Variants in RBL2 observed in about 807,000 individuals in gnomAD.
RBL2 encodes RB transcriptional corepressor like 2, also known as retinoblastoma-like protein 2.
RBL2 carries 56 observed loss-of-function variants against 126.0 expected under a neutral mutation model. The ratio of observed to expected loss-of-function variants is 0.44; its 90% CI spans 0.36 to 0.56. The LOEUF (loss-of-function observed/expected upper bound fraction) is 0.56, where lower values mean the gene tolerates loss of function less well. Among genes scored for constraint, RBL2 ranks in the 20% least tolerant of loss-of-function variants. The probability of loss-of-function intolerance (pLI) is 0.00; values close to 1 mark genes in which losing one functional copy is unlikely to be tolerated. For missense variants in RBL2, 1,229 were observed against 1,398.2 expected, an observed-to-expected ratio of 0.88 and a Z score of 1.93; for synonymous variants, 454 against 478.5, an observed-to-expected ratio of 0.95 and a Z score of 0.67.
At chr16:53,488,682 A>G (rs1285530880) in intron 21 of RBL2, 1 of 152,250 alleles carries the variant, frequency 6.6e-6, no homozygotes, top group South Asian at 2.1e-4. Context: ...ATACAAGATC[A>G]GTTAAGATGA....
Position 53,479,233 on chromosome 16 carries a change from C to G in RBL2, c.2775+8C>G. The G allele has an allele frequency of 6.2e-7, 1 of 1,606,630 alleles. No homozygotes were observed. Among genetic ancestry groups the G allele is most frequent in the Non-Finnish European group, 8.5e-7 (1 of 1,173,260 alleles). On this transcript the variant is annotated splice_region_variant and intron_variant, in intron 18 of 21. Transcript: ENST00000262133. The stretch of plus-strand genomic sequence containing the variant: ...CCGCAGGCCCGGAGCCAGGTAACTA[C>G]ATTTTCTCTATGGGCTGAAAAATAA...
intron 3 of RBL2, chr16:53,443,093 T>C (rs2058031127): frequency 4.2e-6 from 1 of 237,296 alleles, no homozygotes; most frequent in South Asian, 1.6e-4. Context: ...AAACTTTCAT[T>C]TGTCTTATTT....
chr16:53,458,355 A>T (rs768312790), intron 8 of RBL2, among the ~76,000 whole-genome samples: 13 of 152,228 alleles, frequency 8.5e-5, no homozygotes, highest in South Asian at 2.1e-4. Flanking sequence ...AATCAGAAAG[A>T]TGTTTTACTG....
In RBL2 at chr16:53,483,574, A is replaced by G. The variant is rs191084603; in HGVS notation, c.3249+1739A>G. Reference sequence around the variant, plus strand: ...AAAAGTTGAGGAAAACAAGTAAACAAGAACAGCAAAAATCTGTTAGAAAAT... The same window carrying G: ...AAAAGTTGAGGAAAACAAGTAAACAGGAACAGCAAAAATCTGTTAGAAAAT... On this transcript the variant is annotated intron_variant, in intron 21 of 21. Coordinates refer to ENST00000262133, the MANE Select transcript of RBL2 (RefSeq NM_005611.4). 3.3e-5 allele frequency among the ~76,000 whole-genome samples: 5 copies of G among 151,956 alleles called. No homozygotes were observed. In the East Asian group the frequency reaches 7.8e-4, roughly 24 times the overall value.
chr16:53,458,185 A>C (rs768975316), intron 8 of RBL2, among the ~76,000 whole-genome samples: 3 of 152,356 alleles, frequency 2.0e-5, no homozygotes, highest in Non-Finnish European at 4.4e-5. Flanking sequence ...GTGCTTTTCT[A>C]TATCTTATGA....
rs1489214967 is a variant in RBL2 at position 53,491,130 on chromosome 16, A to C, written c.*830A>C. 6.6e-6 allele frequency: 1 copy of C among 152,528 alleles called. No individual in the cohort carries two copies. Among genetic ancestry groups the C allele is most frequent in the Non-Finnish European group, 1.5e-5 (1 of 68,018 alleles). The allele number at this position is 152,528 out of a possible 1,614,324, so 9.4% of individuals were successfully genotyped here. Reference sequence around the variant, plus strand: ...CTTTTGGGAATGTTTTAAATTCTCCAGTTTTTTGTTATATAGGGATCAACC... The same window carrying C: ...CTTTTGGGAATGTTTTAAATTCTCCCGTTTTTTGTTATATAGGGATCAACC... On this transcript the variant is annotated 3_prime_UTR_variant, in exon 22 of 22. Coordinates refer to ENST00000262133, the MANE Select transcript of RBL2 (RefSeq NM_005611.4).
At chr16:53,454,513 G>A (rs1168434538) in intron 7 of RBL2, 143 bp from the exon 8 acceptor site, 3 of 752,110 alleles carry the variant, frequency 4.0e-6, no homozygotes, top group Non-Finnish European at 2.1e-6. Context: ...ATACTATCCA[G>A]TTCTTATAAC....
In RBL2 at chr16:53,453,502, C is replaced by A; in HGVS notation, c.817C>A (p.Pro273Thr). ...AKDSKPSSDP[P>T]CIIEKLCSLH... Reference sequence around the variant, plus strand: ...AGATTCTAAACCTTCCTCTGACCCCCCTTGTATCATTGAGAAACTGTGTTC... The same window carrying A: ...AGATTCTAAACCTTCCTCTGACCCCACTTGTATCATTGAGAAACTGTGTTC... Residue 273 changes from proline to threonine, a missense_variant, in exon 6 of 22, where the codon CCT becomes ACT. By Grantham distance (38) the Pro-to-Thr change is conservative (BLOSUM62 -1). This residue lies in a region of RBL2 where 1,070 missense variants were observed against 1,274.3 expected (regional missense o/e 0.84). Coordinates refer to ENST00000262133, the MANE Select transcript of RBL2 (RefSeq NM_005611.4). 6.2e-7 allele frequency: 1 copy of A among 1,613,278 alleles called. No homozygotes were observed. Among genetic ancestry groups the A allele is most frequent in the Non-Finnish European group, 8.5e-7 (1 of 1,179,410 alleles).
chr16:53,439,585 A>G (rs1346753148), intron 2 of RBL2, among the ~76,000 whole-genome samples: 1 of 152,214 alleles, frequency 6.6e-6, no homozygotes, highest in African/African-American at 2.4e-5. Flanking sequence ...TGGAGGATAA[A>G]TGACATGATT....
In RBL2 at chr16:53,470,887, C is replaced by T; in HGVS notation, c.2668C>T (p.Gln890Ter). 1.2e-6 allele frequency: 2 copies of T among 1,613,684 alleles called. No homozygotes were observed. The highest frequency in any genetic ancestry group is 1.7e-6 in the Non-Finnish European group (2 of 1,179,890). Residue 890 changes from glutamine (Q) to a stop codon, truncating the protein, a stop_gained, in exon 17 of 22, where the codon CAG becomes TAG. Coordinates refer to ENST00000262133, the MANE Select transcript of RBL2 (RefSeq NM_005611.4). LOFTEE classifies it high-confidence loss of function. The stretch of plus-strand genomic sequence containing the variant: ...ACTTATGATGGACAGACATCTGGAC[C>T]AGTTATTAATGTGTGCCATTTATGT... ...PELMMDRHLDQLLMCAIYVMA... is the reference protein window; with the variant it reads ...PELMMDRHLD
In RBL2 at chr16:53,463,828, A is replaced by C. The variant is rs1243453548; in HGVS notation, c.1561-398A>C. On this transcript the variant is annotated intron_variant, in intron 11 of 21. Coordinates refer to ENST00000262133, the MANE Select transcript of RBL2 (RefSeq NM_005611.4). ...GTGATCTGCCCACCTTGGCCTCCCA[A>C]AGTGCTGGGATTACAGGCGTGAGCC... Among the ~76,000 whole-genome samples, 4 of 152,104 alleles carry C rather than the reference A, an allele frequency of 2.6e-5. No individual in the cohort carries two copies. The East Asian group carries it at 7.8e-4, about 29-fold the overall frequency.
intron 5 of RBL2, among the ~76,000 whole-genome samples, chr16:53,453,016 G>C (rs1160252971): frequency 1.3e-5 from 2 of 151,864 alleles, no homozygotes; most frequent in South Asian, 2.1e-4. Context: ...GCTGAGTCTA[G>C]GGCAAGAATA....
chr16:53,453,110 G>A (rs2058131272), intron 5 of RBL2, among the ~76,000 whole-genome samples: 1 of 152,012 alleles, frequency 6.6e-6, no homozygotes, highest in Non-Finnish European at 1.5e-5. Context: ...TTAAAGTGGT[G>A]TTTTTTGTTT....
intron 20 of RBL2, 81 bp from the exon 21 acceptor site, chr16:53,481,590 C>T: frequency 1.6e-6 from 2 of 1,256,994 alleles, no homozygotes; most frequent in Non-Finnish European, 2.2e-6. Flanking sequence ...GTTTAGCACA[C>T]CTCTTCACTC....
intron 5 of RBL2, among the ~76,000 whole-genome samples, chr16:53,452,085 T>C (rs2058121331): frequency 6.6e-6 from 1 of 152,174 alleles, no homozygotes; most frequent in African/African-American, 2.4e-5. Flanking sequence ...GGAGAAGGCA[T>C]TTAGAAACTC....
Position 53,470,038 on chromosome 16 carries a change from C to G in RBL2, c.2098C>G (p.Pro700Ala). The stretch of plus-strand genomic sequence containing the variant: ...TGGAGGGACGCCTGGGCGCATGCCC[C>G]CACAGCCCCTAGTCAATGCTGTCCC... ...SDGGTPGRMP[P>A]QPLVNAVPVQ... Residue 700 changes from proline to alanine, a missense_variant, in exon 15 of 22, where the codon CCA becomes GCA. Pro to Ala is a conservative substitution (Grantham distance 27). This residue lies in a region of RBL2 where 1,070 missense variants were observed against 1,274.3 expected (regional missense o/e 0.84). Coordinates refer to ENST00000262133, the MANE Select transcript of RBL2 (RefSeq NM_005611.4). 1 of 1,614,226 alleles carries G rather than the reference C, an allele frequency of 6.2e-7. No homozygotes were observed. The highest frequency in any genetic ancestry group is 8.5e-7 in the Non-Finnish European group (1 of 1,180,028).
intron 1 of RBL2, among the ~76,000 whole-genome samples, chr16:53,435,236 C>G (rs968887471): frequency 3.3e-5 from 5 of 152,150 alleles, no homozygotes; most frequent in African/African-American, 4.8e-5. Flanking sequence ...GTTCGCTTCC[C>G]CCTGTTAACC....
intron 21 of RBL2, chr16:53,488,208 C>T (rs767574219): frequency 1.3e-5 from 2 of 152,176 alleles, no homozygotes; most frequent in South Asian, 2.1e-4. Flanking sequence ...TCCAGACAAT[C>T]GACTGCTACT....
Position 53,439,127 on chromosome 16 carries a change from C to T in RBL2, c.352C>T (p.Leu118=). Residue 118 remains leucine (L), a synonymous_variant, in exon 2 of 22, where the codon CTG becomes TTG. Transcript: ENST00000262133. Reference sequence around the variant, plus strand: ...AAACTATGTATCTTTAACTAGAATCCTGAAATGTTCAGAGCAGAGGTAACT... The same window carrying T: ...AAACTATGTATCTTTAACTAGAATCTTGAAATGTTCAGAGCAGAGGTAACT... ...EGNYVSLTRI[L]KCSEQSLIEF... 1.2e-6 allele frequency: 2 copies of T among 1,603,176 alleles called. No homozygotes were observed. Among genetic ancestry groups the T allele is most frequent in the Non-Finnish European group, 1.7e-6 (2 of 1,175,374 alleles).
Sources: allele counts gnomAD v4.1 joint callset (sites outside exome capture counted in the v4.1 genomes callset), GRCh38; gene constraint gnomAD v4.1.1; regional missense constraint gnomAD v4.1.1; transcripts MANE v1.5; gene names NCBI Gene and HGNC (gene_info 2026-07-23, HGNC 2026-07-21).